The following TMBIM6 variants were observed in gnomAD, a reference collection of about 807,000 sequenced individuals.
TMBIM6 encodes bax inhibitor 1.
A neutral mutation model predicts 31.4 loss-of-function variants in TMBIM6; 13 were observed. That is an observed-to-expected ratio of 0.41 (90% CI 0.27 to 0.66). The LOEUF (loss-of-function observed/expected upper bound fraction) is 0.66. Among genes scored for constraint, TMBIM6 ranks in the 30% least tolerant of loss-of-function variants. The pLI is 0.28. For synonymous variants in TMBIM6, 85 were observed against 101.7 expected (o/e 0.84, Z 0.99); for missense variants, 275 against 289.5 (o/e 0.95, Z 0.36).
intron 1 of TMBIM6, among the ~76,000 whole-genome samples, chr12:49,742,778 T>C (rs1945321057): frequency 6.6e-6 from 1 of 152,194 alleles, no homozygotes; most frequent in South Asian, 2.1e-4. Context: ...GTATTTACAC[T>C]CTTTGGTGTT....
chr12:49,741,964 G>C (rs1360950503), intron 1 of TMBIM6: 2 of 947,752 alleles, frequency 2.1e-6, no homozygotes, highest in Non-Finnish European at 3.1e-6. Context: ...TAGACGCAGG[G>C]CCCCTTGGCC....
chr12:49,752,986 C>T lies in TMBIM6; in HGVS notation c.70C>T (p.Gln24Ter). ...LKFSHITPST[Q>*]QHLKKVYASF... ...TTCTTTTCTTAGAACCCCGTCAACG[C>T]AGCAGCACCTGAAGAAGGTCTATGC... The change falls in exon 3 of 10, where the codon CAG becomes TAG. Residue 24 changes from glutamine to a stop codon, truncating the protein, a stop_gained. Coordinates refer to ENST00000267115, the MANE Select transcript of TMBIM6 (RefSeq NM_003217.3). LOFTEE classifies it high-confidence loss of function. 1.9e-6 allele frequency: 3 copies of T among 1,613,972 alleles called. No individual in the cohort carries two copies. Among genetic ancestry groups the T allele is most frequent in the Non-Finnish European group, 2.5e-6 (3 of 1,179,956 alleles).
chr12:49,764,563 CCT>C lies in TMBIM6; in HGVS notation c.*1668_*1669del, dbSNP rs1025351783. On this transcript the variant is annotated 3_prime_UTR_variant, in exon 10 of 10. Coordinates refer to ENST00000267115, the MANE Select transcript of TMBIM6 (RefSeq NM_003217.3). The stretch of plus-strand genomic sequence containing the variant: ...AAAGGCACTTCCTTCCTGTTAAACC[CCT>C]GTTAACTCTCCATAAATTTGGTGAT... 4.6e-5 allele frequency: 7 copies of C among 152,510 alleles called. No individual in the cohort carries two copies. The highest frequency in any genetic ancestry group is 1.4e-4 in the African/African-American group (6 of 41,394). The allele number at this position is 152,510 out of a possible 1,614,324, so 9.4% of individuals were successfully genotyped here.
chr12:49,753,158 G>A, intron 3 of TMBIM6, 77 bp downstream of exon 3: 1 of 1,105,728 alleles, frequency 9.0e-7, no homozygotes, highest in Non-Finnish European at 1.3e-6. Context: ...GGTGGTCCAA[G>A]GGACCCTGTT....
chr12:49,761,583 G>A lies in TMBIM6; in HGVS notation c.615-121G>A, dbSNP rs1484264618. The A allele has an allele frequency of 2.0e-5, 16 of 781,414 alleles. No homozygotes were observed. In the East Asian group the frequency reaches 3.7e-4, roughly 18 times the overall value. 48.4% of individuals were successfully genotyped at this position (781,414 alleles called of 1,614,324 possible). A position where few individuals can be genotyped will look rare whatever the true frequency, so the allele number is the denominator to read the frequency against. ...ACCAGAGTTTTACTTCCTTAGTTGGGGGTAAAGTGTGGGAGAAGCTGGCTC... is the reference window on the plus strand; with the variant it reads ...ACCAGAGTTTTACTTCCTTAGTTGGAGGTAAAGTGTGGGAGAAGCTGGCTC... On this transcript the variant is annotated intron_variant, in intron 8 of 9. Transcript: ENST00000267115.
intron 1 of TMBIM6, chr12:49,742,456 G>T (rs1313752641): frequency 2.3e-6 from 2 of 861,600 alleles, no homozygotes; most frequent in Non-Finnish European, 3.3e-6. Context: ...CCCGGTGCCA[G>T]CCCGGGCTGC....
intron 1 of TMBIM6, chr12:49,750,000 G>C (rs1945466430): frequency 6.6e-6 from 1 of 152,124 alleles, no homozygotes; most frequent in East Asian, 1.9e-4. Context: ...AAAAACAGAA[G>C]TTTTAGTTAT....
At chr12:49,754,696 C>T (rs1392659168) in intron 3 of TMBIM6, among the ~76,000 whole-genome samples, 1 of 152,178 alleles carries the variant, frequency 6.6e-6, no homozygotes, top group Non-Finnish European at 1.5e-5. Flanking sequence ...CTACGTCCAT[C>T]CTTAATGATT....
intron 4 of TMBIM6, among the ~76,000 whole-genome samples, chr12:49,756,905 T>G (rs940058270): frequency 6.6e-6 from 1 of 151,728 alleles, no homozygotes; most frequent in Non-Finnish European, 1.5e-5. Context: ...CCAGCTAATC[T>G]TTTGTATTTT....
intron 1 of TMBIM6, chr12:49,741,943 T>A (rs2136919498): frequency 2.5e-6 from 2 of 803,862 alleles, no homozygotes; most frequent in East Asian, 5.9e-5. Context: ...CTCCTTCTCC[T>A]CTACTAAGTG....
rs201337311 is a variant in TMBIM6 at position 49,758,314 on chromosome 12, A to G, written c.335+39A>G. The stretch of plus-strand genomic sequence containing the variant: ...TAGTGTCTTATGTGCTTTTATCTTT[A>G]TGAATATACCTTCTAAATGTAGACC... On this transcript the variant is annotated intron_variant, in intron 5 of 9. Transcript: ENST00000267115. 4.1e-5 allele frequency: 66 copies of G among 1,614,090 alleles called. 1 individual carries two copies. In the East Asian group the frequency reaches 1.4e-3, roughly 35 times the overall value.
intron 1 of TMBIM6, among the ~76,000 whole-genome samples, chr12:49,745,010 CA>C (rs1481186085): frequency 3.4e-5 from 5 of 148,440 alleles, no homozygotes; most frequent in Admixed American, 6.6e-5. Flanking sequence ...GGTTTTGAGG[CA>C]GCCCCCTGGA....
chr12:49,762,809 CAA>C (rs752222358), intron 9 of TMBIM6, 62 bp from the exon 10 acceptor site: 111 of 1,515,694 alleles, frequency 7.3e-5, no homozygotes, highest in Middle Eastern at 3.4e-4. Flanking sequence ...AATGCTCACT[CAA>C]GAGTTTTAGC....
In TMBIM6 at chr12:49,764,710, T is replaced by TAAA. The variant is rs917382791; in HGVS notation, c.*1824_*1826dup. 0.11 allele frequency: 10,670 copies of TAAA among 101,356 alleles called. 591 individuals carry two copies. Among genetic ancestry groups the TAAA allele is most frequent in the African/African-American group, 0.2 (4,888 of 24,626 alleles). 6.3% of individuals were successfully genotyped at this position (101,356 alleles called of 1,614,324 possible). On this transcript the variant is annotated 3_prime_UTR_variant, in exon 10 of 10. Transcript: ENST00000267115. Reference sequence around the variant, plus strand: ...AACAGTGCCAAGAATGACAAGATATTAAAAAAAAAAAAGAAAGAAAAAAAA... The same window carrying TAAA: ...AACAGTGCCAAGAATGACAAGATATTAAAAAAAAAAAAAAAGAAAGAAAAAAAA...
intron 2 of TMBIM6, 26 bp from the exon 3 acceptor site, chr12:49,752,947 T>G: frequency 1.3e-6 from 2 of 1,598,352 alleles, no homozygotes; most frequent in Non-Finnish European, 8.6e-7. Flanking sequence ...TGGGACTGAT[T>G]GCTCTTATTC....
intron 1 of TMBIM6, among the ~76,000 whole-genome samples, chr12:49,745,092 G>T (rs1565916082): frequency 6.6e-6 from 1 of 152,180 alleles, no homozygotes; most frequent in Non-Finnish European, 1.5e-5. Context: ...GACATCTAGG[G>T]TGTCCACCTG....
chr12:49,761,894 A>G (rs1393250826), intron 9 of TMBIM6, 115 bp downstream of exon 9: 3 of 975,314 alleles, frequency 3.1e-6, no homozygotes, highest in African/African-American at 1.7e-5. Flanking sequence ...GGGTAACTGT[A>G]AGGCAGGCCA....
intron 1 of TMBIM6, among the ~76,000 whole-genome samples, chr12:49,752,208 T>C (rs1945506583): frequency 6.6e-6 from 1 of 152,182 alleles, no homozygotes; most frequent in Non-Finnish European, 1.5e-5. Flanking sequence ...CCTGAAAGAA[T>C]AGAAATCAGA....
intron 1 of TMBIM6, among the ~76,000 whole-genome samples, chr12:49,745,428 A>G (rs1945372941): frequency 6.6e-6 from 1 of 152,172 alleles, no homozygotes; most frequent in Non-Finnish European, 1.5e-5. Flanking sequence ...CCTGTTTGCT[A>G]GAAACTGTAC....
Sources: gnomAD v4.1 joint callset for allele counts (sites outside exome capture counted in the v4.1 genomes callset) on GRCh38, gnomAD v4.1.1 for gene constraint, MANE v1.5 for transcripts, NCBI Gene and HGNC (gene_info 2026-07-23, HGNC 2026-07-21) for gene names.